Variants in HDAC9 observed in about 807,000 individuals in gnomAD.
The protein encoded by HDAC9 is histone deacetylase 9.
In HDAC9, 41 loss-of-function variants were observed where a neutral mutation model predicts 139.4. That is an observed-to-expected ratio of 0.29 (90% confidence interval 0.23 to 0.38). HDAC9 has a LOEUF of 0.38. Ranked by LOEUF, HDAC9 falls within the 10% of genes least tolerant of loss-of-function variation. HDAC9 has a pLI of 1.00. For synonymous variants in HDAC9, 517 were observed against 476.2 expected (o/e 1.09, Z -1.12); for missense variants, 1,147 against 1,297.0 (o/e 0.88, Z 1.78).
intron 2 of HDAC9, among the ~76,000 whole-genome samples, chr7:18,202,218 A>C (rs1791183680): frequency 6.6e-6 from 1 of 152,176 alleles, no homozygotes; most frequent in African/African-American, 2.4e-5. Context: ...CTCTCTTGGA[A>C]ATTTTAGTTG....
chr7:18,235,664 T>C (rs999085222), intron 2 of HDAC9, among the ~76,000 whole-genome samples: 2 of 152,238 alleles, frequency 1.3e-5, no homozygotes, highest in African/African-American at 4.8e-5. Flanking sequence ...CAAAGCATGA[T>C]CTCATACATT....
chr7:18,726,090 A>T lies in HDAC9; in HGVS notation c.1732-1490A>T, dbSNP rs534260801. Among the ~76,000 whole-genome samples the T allele has an allele frequency of 5.3e-5, 8 of 152,348 alleles. No homozygotes were observed. In the South Asian group the frequency reaches 6.2e-4, roughly 12 times the overall value. On this transcript the variant is annotated intron_variant, in intron 12 of 25. Transcript: ENST00000686413. ...TTTCTAAATTCAGAAATCTCTGCTTATGGTCTGTAATTAAATCTATATTTA... is the reference window on the plus strand; with the variant it reads ...TTTCTAAATTCAGAAATCTCTGCTTTTGGTCTGTAATTAAATCTATATTTA...
At chr7:18,776,044 G>T (rs56135358) in intron 16 of HDAC9, among the ~76,000 whole-genome samples, 3,318 of 152,086 alleles carry the variant, frequency 0.022, 57 homozygotes, top group Middle Eastern at 0.078. Context: ...AGATCCTCTT[G>T]CTTGAGCTTT....
At chr7:18,681,819 C>G (rs1020143454) in intron 12 of HDAC9, among the ~76,000 whole-genome samples, 6 of 152,020 alleles carry the variant, frequency 3.9e-5, no homozygotes, top group African/African-American at 1.2e-4. Context: ...TATCGCCCCA[C>G]CCTCTGACAT....
chr7:18,520,518 G>A (rs1304806135), intron 2 of HDAC9, among the ~76,000 whole-genome samples: 1 of 152,116 alleles, frequency 6.6e-6, no homozygotes, highest in Non-Finnish European at 1.5e-5. Flanking sequence ...GTAGACATAT[G>A]AGCTTTCTGT....
chr7:18,583,887 G>T (rs923246696), intron 2 of HDAC9, among the ~76,000 whole-genome samples: 1 of 152,110 alleles, frequency 6.6e-6, no homozygotes, highest in Non-Finnish European at 1.5e-5. Context: ...CTTTTGAAAA[G>T]CCATGCAATC....
At chr7:18,418,373 T>C (rs1256539830) in intron 1 of HDAC9, among the ~76,000 whole-genome samples, 2 of 151,124 alleles carry the variant, frequency 1.3e-5, no homozygotes, top group East Asian at 3.9e-4. Context: ...CTTTTTTCTT[T>C]TCAGAAAATA....
chr7:18,326,594 G>A (rs943762435), intron 1 of HDAC9, among the ~76,000 whole-genome samples: 7 of 151,924 alleles, frequency 4.6e-5, no homozygotes, highest in Admixed American at 3.9e-4. Flanking sequence ...ATTAGGAAAA[G>A]CAACATGTTA....
At chr7:18,237,434 G>T (rs1180217222) in intron 2 of HDAC9, among the ~76,000 whole-genome samples, 1 of 152,020 alleles carries the variant, frequency 6.6e-6, no homozygotes, top group Non-Finnish European at 1.5e-5. Context: ...ATGGTACTGG[G>T]GTATTGGTTA....
chr7:18,149,453 TTA>T, intron 1 of HDAC9, among the ~76,000 whole-genome samples: 1 of 150,472 alleles, frequency 6.6e-6, no homozygotes, highest in African/African-American at 2.4e-5. Context: ...CCTCCTGGGC[TTA>T]AATGTTCCTC....
chr7:18,906,974 T>C (rs1802314043), intron 22 of HDAC9: 1 of 152,192 alleles, frequency 6.6e-6, no homozygotes. Context: ...TTTGGAAGTA[T>C]ACTTGGGGAA....
Position 18,630,238 on chromosome 7 carries a change from G to C in HDAC9, c.796+757G>C, listed in dbSNP as rs544160729. Among the ~76,000 whole-genome samples the C allele has an allele frequency of 3.9e-5, 6 of 152,170 alleles. No individual in the cohort carries two copies. In the South Asian group the frequency reaches 1.0e-3, roughly 26 times the overall value. The stretch of plus-strand genomic sequence containing the variant: ...GAGTACCTACTTAGAGTCAGGTACT[G>C]TATCTAGTTGTTTCCTTTGGTTGCA... On this transcript the variant is annotated intron_variant, in intron 7 of 25. Coordinates refer to ENST00000686413, the MANE Select transcript of HDAC9 (RefSeq NM_178425.4).
intron 2 of HDAC9, among the ~76,000 whole-genome samples, chr7:18,240,800 A>T (rs1388104001): frequency 6.6e-6 from 1 of 152,088 alleles, no homozygotes; most frequent in Non-Finnish European, 1.5e-5. Flanking sequence ...TCTACTCCAC[A>T]CTGGCCTTCT....
chr7:18,735,526 T>C (rs1786801095), intron 13 of HDAC9, among the ~76,000 whole-genome samples: 1 of 152,214 alleles, frequency 6.6e-6, no homozygotes. Context: ...GTCAGGTTTG[T>C]CAAAGATCAG....
At chr7:18,272,913 GCTACTA>G (rs149171355) in intron 2 of HDAC9, among the ~76,000 whole-genome samples, 18,348 of 144,248 alleles carry the variant, frequency 0.13, 1,211 homozygotes, top group African/African-American at 0.16. Flanking sequence ...CTAGACTACT[GCTACTA>G]CTACTACTAC....
At chr7:18,287,314 A>T (rs1239742007), upstream of HDAC9, among the ~76,000 whole-genome samples, 4 of 152,224 alleles carry the variant, frequency 2.6e-5, no homozygotes, top group African/African-American at 9.6e-5. Flanking sequence ...ATTCTCATTA[A>T]CATGTTGGCA....
rs377218309 is a variant in HDAC9 at position 18,546,082 on chromosome 7, G to A, written c.23-39199G>A. Among the ~76,000 whole-genome samples the A allele has an allele frequency of 7.2e-5, 11 of 152,124 alleles. No homozygotes were observed. In the East Asian group the frequency reaches 1.9e-3, roughly 27 times the overall value. On this transcript the variant is annotated intron_variant, in intron 2 of 25. Transcript: ENST00000686413. ...AGGAATATGTGAACGGGAGTAATTT[G>A]AATATCTCCTAAATTTTTGGCTGCT...
chr7:18,900,645 C>T (rs1801618668), intron 22 of HDAC9, among the ~76,000 whole-genome samples: 1 of 152,158 alleles, frequency 6.6e-6, no homozygotes, highest in Non-Finnish European at 1.5e-5. Flanking sequence ...CAGGGAGCCA[C>T]AAACTTTAGC....
chr7:18,691,239 G>A (rs1388320708), intron 12 of HDAC9, among the ~76,000 whole-genome samples: 1 of 151,874 alleles, frequency 6.6e-6, no homozygotes, highest in Non-Finnish European at 1.5e-5. Flanking sequence ...TTCTGCATAA[G>A]AGGGTTACCT....
Sources: gnomAD v4.1 joint callset for allele counts (sites outside exome capture counted in the v4.1 genomes callset) on GRCh38, gnomAD v4.1.1 for gene constraint, MANE v1.5 for transcripts, NCBI Gene and HGNC (gene_info 2026-07-23, HGNC 2026-07-21) for gene names.